The following VPS8 variants were observed in gnomAD, a reference collection of about 807,000 sequenced individuals.
VPS8 encodes vacuolar protein sorting-associated protein 8 homolog.
In VPS8, 129 loss-of-function variants were observed where a neutral mutation model predicts 216.4. The observed-to-expected ratio is 0.60, with a 90% confidence interval of 0.52 to 0.69. The LOEUF (loss-of-function observed/expected upper bound fraction) is 0.69. Among genes scored for constraint, VPS8 ranks in the 30% least tolerant of loss-of-function variants. The pLI is 0.00. For synonymous variants in VPS8, 571 were observed against 565.4 expected (o/e 1.01, Z -0.14); for missense variants, 1,531 against 1,683.5 (o/e 0.91, Z 1.59).
intron 21 of VPS8, among the ~76,000 whole-genome samples, chr3:184,881,855 A>C (rs561541757): frequency 1.6e-4 from 25 of 151,888 alleles, no homozygotes; most frequent in Non-Finnish European, 2.7e-4. Flanking sequence ...TTTTCTTAGC[A>C]GTTTTAAATG....
At position 184,996,461 on chromosome 3, in the gene VPS8, A is replaced by G. The variant is rs776226564; in HGVS notation, c.3796A>G (p.Lys1266Glu). Reference protein sequence around the residue: ...DYCSICLQQYKRRQEMADEII... With the variant: ...DYCSICLQQYERRQEMADEII... ...CTGCTCTATATGTTTGCAGCAGTAC[A>G]AGAGACGCCAAGAAATGGCTGATGA... Residue 1266 changes from lysine to glutamate, a missense_variant, in exon 44 of 48, where the codon AAG becomes GAG. Physicochemically the swap from Lys to Glu is moderately conservative, Grantham distance 56. Around this residue, in one of 3 missense-constraint regions of VPS8, gnomAD observed 1,318 missense variants for 1,468.4 expected, o/e 0.90. Transcript: ENST00000625842. 1 of 1,607,138 alleles carries G rather than the reference A, an allele frequency of 6.2e-7. No individual in the cohort carries two copies. Among genetic ancestry groups the G allele is most frequent in the Non-Finnish European group, 8.5e-7 (1 of 1,177,948 alleles).
chr3:185,019,649 T>A (rs998861909), intron 45 of VPS8, among the ~76,000 whole-genome samples: 3 of 152,248 alleles, frequency 2.0e-5, no homozygotes, highest in African/African-American at 7.2e-5. Context: ...TTTTCCACCC[T>A]GGGTGGGCCA....
chr3:184,866,813 T>C (rs934111084), intron 16 of VPS8, 63 bp from the exon 17 acceptor site: 3 of 1,493,494 alleles, frequency 2.0e-6, no homozygotes, highest in Non-Finnish European at 2.7e-6. Flanking sequence ...GATGAAATGT[T>C]AAAAAATATA....
chr3:184,887,430 AATG>A (rs1374680845), intron 22 of VPS8, among the ~76,000 whole-genome samples: 2 of 151,998 alleles, frequency 1.3e-5, no homozygotes, highest in African/African-American at 4.8e-5. Flanking sequence ...CCACACTAAT[AATG>A]ATAACCAGGT....
chr3:185,052,141 C>G lies in VPS8; in HGVS notation c.*116C>G. 1 of 1,246,504 alleles carries G rather than the reference C, an allele frequency of 8.0e-7. No individual in the cohort carries two copies. Among genetic ancestry groups the G allele is most frequent in the Non-Finnish European group, 1.1e-6 (1 of 930,872 alleles). The allele number at this position is 1,246,504 out of a possible 1,614,324, so 77.2% of individuals were successfully genotyped here. On this transcript the variant is annotated 3_prime_UTR_variant, in exon 48 of 48. Transcript: ENST00000625842. Reference sequence around the variant, plus strand: ...CCTCCCACGCTTCTGAGAAGAGGTTCCAAATTGGGCTTCTGTGCCCAGAGC... The same window carrying G: ...CCTCCCACGCTTCTGAGAAGAGGTTGCAAATTGGGCTTCTGTGCCCAGAGC...
At chr3:184,914,865 A>T in intron 26 of VPS8, 116 bp from the exon 27 acceptor site, 1 of 1,037,688 alleles carries the variant, frequency 9.6e-7, no homozygotes, top group Non-Finnish European at 1.5e-6. Flanking sequence ...AACTGACAAA[A>T]GCTGAGCCTA....
intron 39 of VPS8, among the ~76,000 whole-genome samples, chr3:184,967,693 C>T (rs182481562): frequency 1.5e-4 from 23 of 152,002 alleles, no homozygotes; most frequent in Admixed American, 4.6e-4. Flanking sequence ...AAAAATTAGT[C>T]GGGTGTGGTG....
intron 25 of VPS8, among the ~76,000 whole-genome samples, chr3:184,905,962 G>C (rs1435898386): frequency 1.3e-5 from 2 of 152,032 alleles, no homozygotes; most frequent in Non-Finnish European, 2.9e-5. Context: ...CTATAGAGCA[G>C]TTTAGCACAA....
chr3:184,915,297 T>C, intron 27 of VPS8, 58 bp from the exon 28 acceptor site: 3 of 1,568,532 alleles, frequency 1.9e-6, no homozygotes, highest in Non-Finnish European at 2.6e-6. Context: ...GAATCACTGC[T>C]TCAGCAAGAT....
intron 37 of VPS8, among the ~76,000 whole-genome samples, chr3:184,962,982 A>G (rs1449794386): frequency 6.6e-6 from 1 of 152,084 alleles, no homozygotes; most frequent in African/African-American, 2.4e-5. Context: ...ACTGCCATAT[A>G]CTAAACTCCC....
Sources: allele counts gnomAD v4.1 joint callset (sites outside exome capture counted in the v4.1 genomes callset), GRCh38; gene constraint gnomAD v4.1.1; regional missense constraint gnomAD v4.1.1; transcripts MANE v1.5; gene names NCBI Gene and HGNC (gene_info 2026-07-23, HGNC 2026-07-21).